Variants in CCDC50 observed in about 807,000 individuals in gnomAD.
CCDC50 encodes coiled-coil domain-containing protein 50.
Under a neutral mutation model 70.2 loss-of-function variants are expected in CCDC50, and 54 were observed. The observed-to-expected ratio is 0.77, with a 90% CI of 0.62 to 0.96. The LOEUF is 0.96. Among genes scored for constraint, CCDC50 ranks in the 50% least tolerant of loss-of-function variants. CCDC50 has a pLI of 0.00. For synonymous variants in CCDC50, 216 were observed against 198.8 expected (o/e 1.09, Z -0.73); for missense variants, 558 against 578.7 (o/e 0.96, Z 0.37).
chr3:191,369,855 C>G, intron 4 of CCDC50, 64 bp from the exon 5 acceptor site: 12 of 1,177,392 alleles, frequency 1.0e-5, no homozygotes, highest in Non-Finnish European at 7.6e-6. Flanking sequence ...ATGTCAAGCC[C>G]CACCATATGG....
chr3:191,369,894 T>G, intron 4 of CCDC50, 25 bp from the exon 5 acceptor site: 1 of 1,537,398 alleles, frequency 6.5e-7, no homozygotes, highest in Non-Finnish European at 9.0e-7. Context: ...TAATGTGTAT[T>G]TCCATTCTCC....
intron 6 of CCDC50, among the ~76,000 whole-genome samples, chr3:191,377,240 A>G (rs981313129): frequency 6.6e-6 from 1 of 152,162 alleles, no homozygotes; most frequent in Non-Finnish European, 1.5e-5. Flanking sequence ...TCAGAGGATT[A>G]CATTAAAATA....
Position 191,358,112 on chromosome 3 carries a change from G to T in CCDC50, c.227G>T (p.Arg76Leu), listed in dbSNP as rs138443787. ...AAAGCGCAGGCCCAGCTCCAGAAGC[G>T]CTACAAAGACCTGTGAGGATTTGGG... ...DLKAQAQLQK[R>L]YKDLEQQDCE... The change falls in exon 3 of 12, where the codon CGC becomes CTC. Residue 76 changes from arginine to leucine, a missense_variant. Transcript: ENST00000392455. The T allele has an allele frequency of 6.2e-7, 1 of 1,613,752 alleles. No individual in the cohort carries two copies. The highest frequency in any genetic ancestry group is 8.5e-7 in the Non-Finnish European group (1 of 1,179,886).
chr3:191,374,298 A>G (rs1357291957), intron 5 of CCDC50, among the ~76,000 whole-genome samples: 1 of 152,194 alleles, frequency 6.6e-6, no homozygotes, highest in African/African-American at 2.4e-5. Context: ...ATACAATATC[A>G]TACAGTTTTT....
chr3:191,396,790 G>A lies in CCDC50; in HGVS notation c.*5030G>A, dbSNP rs1174105398. 6.6e-6 allele frequency: 1 copy of A among 152,208 alleles called. No homozygotes were observed. The highest frequency in any genetic ancestry group is 1.5e-5 in the Non-Finnish European group (1 of 68,016). The allele number at this position is 152,208 out of a possible 1,614,324, so 9.4% of individuals were successfully genotyped here. A position where few individuals can be genotyped will look rare whatever the true frequency, so the allele number is the denominator to read the frequency against. ...TTGCTTTGATAAGAAAGACACCAGAGTGGTGATTCTGTTTGATGCCACAGG... is the reference window on the plus strand; with the variant it reads ...TTGCTTTGATAAGAAAGACACCAGAATGGTGATTCTGTTTGATGCCACAGG... On this transcript the variant is annotated 3_prime_UTR_variant, in exon 12 of 12. Coordinates refer to ENST00000392455, the MANE Select transcript of CCDC50 (RefSeq NM_178335.3).
rs1253953203 is a variant in CCDC50 at position 191,357,161 on chromosome 3, C to A, written c.112+11C>A. The A allele has an allele frequency of 1.9e-6, 3 of 1,607,836 alleles. No homozygotes were observed. The highest frequency in any genetic ancestry group is 2.2e-5 in the East Asian group (1 of 44,828). On this transcript the variant is annotated intron_variant, in intron 2 of 11. Coordinates refer to ENST00000392455, the MANE Select transcript of CCDC50 (RefSeq NM_178335.3). ...TGCAGGAACAAGAGAGTGAGTAATACCTCTCATTTATGCTCCTTCAGTTTT... is the reference window on the plus strand; with the variant it reads ...TGCAGGAACAAGAGAGTGAGTAATAACTCTCATTTATGCTCCTTCAGTTTT...
intron 1 of CCDC50, among the ~76,000 whole-genome samples, chr3:191,355,185 A>AT (rs1712236956): frequency 6.6e-6 from 1 of 152,224 alleles, no homozygotes; most frequent in Non-Finnish European, 1.5e-5. Context: ...TGATCTAATC[A>AT]TAATTAATCT....
At chr3:191,337,130 T>C (rs1466220306) in intron 1 of CCDC50, among the ~76,000 whole-genome samples, 3 of 152,050 alleles carry the variant, frequency 2.0e-5, no homozygotes, top group African/African-American at 7.2e-5. Flanking sequence ...ACCACGTGAT[T>C]GGCAAAGCTT....
At position 191,374,302 on chromosome 3, in the gene CCDC50, A is replaced by T. The variant is rs149913337; in HGVS notation, c.449-760A>T. 2.8e-4 allele frequency among the ~76,000 whole-genome samples: 43 copies of T among 152,304 alleles called. No homozygotes were observed. The East Asian group carries it at 6.7e-3, about 24-fold the overall frequency. On this transcript the variant is annotated intron_variant, in intron 5 of 11. Coordinates refer to ENST00000392455, the MANE Select transcript of CCDC50 (RefSeq NM_178335.3). ...TTCTACAAAGAATACAATATCATAC[A>T]GTTTTTTGAAATGTATTTAGGAAGC...
chr3:191,370,999 A>G (rs551544341), intron 5 of CCDC50, among the ~76,000 whole-genome samples: 2 of 152,330 alleles, frequency 1.3e-5, no homozygotes, highest in East Asian at 3.9e-4. Context: ...TGTTTGAAGC[A>G]GGAAAGTGGT....
intron 3 of CCDC50, among the ~76,000 whole-genome samples, chr3:191,358,757 TTTC>T (rs1312122959): frequency 6.6e-6 from 1 of 152,222 alleles, no homozygotes; most frequent in Non-Finnish European, 1.5e-5. Flanking sequence ...CCAGGATACA[TTTC>T]TTCTTTGAGA....
chr3:191,342,239 A>T (rs1711756875), intron 1 of CCDC50, among the ~76,000 whole-genome samples: 1 of 152,230 alleles, frequency 6.6e-6, no homozygotes, highest in Non-Finnish European at 1.5e-5. Flanking sequence ...AATTGCCAGT[A>T]TTGCAGTTTG....
At chr3:191,356,555 A>G (rs968132519) in intron 1 of CCDC50, among the ~76,000 whole-genome samples, 1 of 152,252 alleles carries the variant, frequency 6.6e-6, no homozygotes, top group African/African-American at 2.4e-5. Flanking sequence ...TTTTTAAAGT[A>G]GAGCTCTGCC....
intron 1 of CCDC50, among the ~76,000 whole-genome samples, chr3:191,355,439 T>C (rs523270): frequency 0.42 from 63,548 of 152,020 alleles, 15,738 homozygotes; most frequent in East Asian, 0.92. Context: ...ATTTTCTTTC[T>C]GTCTATTCTT....
chr3:191,368,998 A>G (rs1038169941), intron 4 of CCDC50, among the ~76,000 whole-genome samples: 2 of 152,154 alleles, frequency 1.3e-5, no homozygotes, highest in African/African-American at 2.4e-5. Context: ...AGATTGTCTA[A>G]AAGGAGTTCC....
intron 9 of CCDC50, among the ~76,000 whole-genome samples, chr3:191,381,867 A>C (rs1203935377): frequency 1.3e-5 from 2 of 152,072 alleles, no homozygotes; most frequent in Non-Finnish European, 2.9e-5. Flanking sequence ...CAGTCTCAGT[A>C]ATGGTTGTGA....
Position 191,375,108 on chromosome 3 carries a change from A to AT in CCDC50, c.495_496insT (p.Arg166Ter), listed in dbSNP as rs763544779. On this transcript the variant is annotated frameshift_variant, in exon 6 of 12. Coordinates refer to ENST00000392455, the MANE Select transcript of CCDC50 (RefSeq NM_178335.3). LOFTEE classifies it high-confidence loss of function. ...CCAGGGAATTGGGTTCTGGATTCTC[A>AT]AGACCTTGTAGACTCCAAAGAGATG... 5 of 1,613,606 alleles carry AT rather than the reference A, an allele frequency of 3.1e-6. No individual in the cohort carries two copies. In the South Asian group the frequency reaches 4.4e-5, roughly 14 times the overall value.
In CCDC50 at chr3:191,393,488, G is replaced by T. The variant is rs1713763903; in HGVS notation, c.*1728G>T. 6.6e-6 allele frequency: 1 copy of T among 152,112 alleles called. No individual in the cohort carries two copies. Among genetic ancestry groups the T allele is most frequent in the African/African-American group, 2.4e-5 (1 of 41,426 alleles). 9.4% of individuals were successfully genotyped at this position (152,112 alleles called of 1,614,324 possible). A position where few individuals can be genotyped will look rare whatever the true frequency, so the allele number is the denominator to read the frequency against. On this transcript the variant is annotated 3_prime_UTR_variant, in exon 12 of 12. Transcript: ENST00000392455. ...GAACAGTTTCTCAGAGTGGATTTGG[G>T]TCTCTCATTTGAGAAAGATTTGTAG...
intron 1 of CCDC50, among the ~76,000 whole-genome samples, chr3:191,333,497 G>A (rs1365140996): frequency 6.6e-6 from 1 of 152,086 alleles, no homozygotes; most frequent in African/African-American, 2.4e-5. Context: ...CTGGCTACAC[G>A]GCAAACCCAC....
Sources: allele counts gnomAD v4.1 joint callset (sites outside exome capture counted in the v4.1 genomes callset), GRCh38; gene constraint gnomAD v4.1.1; transcripts MANE v1.5; gene names NCBI Gene and HGNC (gene_info 2026-07-23, HGNC 2026-07-21).